Variants in CRISPLD2 observed in about 807,000 individuals in gnomAD.
CRISPLD2 encodes cysteine rich secretory protein LCCL domain containing 2.
A neutral mutation model predicts 71.1 loss-of-function variants in CRISPLD2; 47 were observed. That is an observed-to-expected ratio of 0.66 (90% CI 0.52 to 0.84). The LOEUF is 0.84. Ranked by LOEUF, CRISPLD2 falls within the 40% of genes least tolerant of loss-of-function variation. CRISPLD2 has a pLI of 0.00. For synonymous variants in CRISPLD2, 317 were observed against 250.1 expected (o/e 1.27, Z -2.52); for missense variants, 830 against 651.1 (o/e 1.27, Z -2.99).
chr16:84,884,727 G>T (rs1597478572), intron 13 of CRISPLD2, among the ~76,000 whole-genome samples: 1 of 152,178 alleles, frequency 6.6e-6, no homozygotes, highest in South Asian at 2.1e-4. Context: ...TCCGGCCATG[G>T]GTGTGAGCTT....
chr16:84,908,626 A>G lies in CRISPLD2; in HGVS notation c.*1984A>G, dbSNP rs1004801161. 1.3e-5 allele frequency: 2 copies of G among 151,112 alleles called. No individual in the cohort carries two copies. The highest frequency in any genetic ancestry group is 2.9e-5 in the Non-Finnish European group (2 of 67,878). 9.4% of individuals were successfully genotyped at this position (151,112 alleles called of 1,614,324 possible). A position where few individuals can be genotyped will look rare whatever the true frequency, so the allele number is the denominator to read the frequency against. ...CCCCGGGTTCCTTAATGCCTCCTTC[A>G]CTGGGCCTTCCTAGCAGGATAGAAA... On this transcript the variant is annotated 3_prime_UTR_variant, in exon 15 of 15. Transcript: ENST00000262424.
intron 6 of CRISPLD2, 99 bp downstream of exon 6, chr16:84,854,928 C>A (rs113835532): frequency 2.2e-5 from 20 of 916,114 alleles, no homozygotes; most frequent in African/African-American, 9.7e-5. Flanking sequence ...AAGTCAGTCA[C>A]CCCTCCTGGC....
At chr16:84,878,149 A>G (rs998567554) in intron 12 of CRISPLD2, among the ~76,000 whole-genome samples, 4 of 151,628 alleles carry the variant, frequency 2.6e-5, no homozygotes, top group Non-Finnish European at 4.4e-5. Context: ...GCGTGAACCC[A>G]GGAGGTGGAG....
At chr16:84,840,207 G>A (rs942513112) in intron 2 of CRISPLD2, among the ~76,000 whole-genome samples, 1 of 152,160 alleles carries the variant, frequency 6.6e-6, no homozygotes, top group Admixed American at 6.5e-5. Flanking sequence ...GAGCTGGCCT[G>A]GGTGATGACC....
At chr16:84,894,501 G>T (rs1366937660) in intron 14 of CRISPLD2, among the ~76,000 whole-genome samples, 2 of 152,138 alleles carry the variant, frequency 1.3e-5, no homozygotes. Context: ...CTGCGCTAGG[G>T]ACTGGGGACA....
At chr16:84,838,797 C>T (rs770066474) in intron 2 of CRISPLD2, 62 bp downstream of exon 2, 1 of 1,552,232 alleles carries the variant, frequency 6.4e-7, no homozygotes, top group East Asian at 2.4e-5. Flanking sequence ...CACCAGCCTG[C>T]TCTGTTCCCC....
At position 84,869,363 on chromosome 16, in the gene CRISPLD2, T is replaced by C. The variant is rs545726041; in HGVS notation, c.914+452T>C. Among the ~76,000 whole-genome samples the C allele has an allele frequency of 1.8e-4, 27 of 152,306 alleles. No individual in the cohort carries two copies. In the South Asian group the frequency reaches 3.1e-3, roughly 18 times the overall value. Reference sequence around the variant, plus strand: ...AGAGTCAAATGGGAAAACCATGTCATTGGGAGAGGGGACCTTGCTCGTCTT... The same window carrying C: ...AGAGTCAAATGGGAAAACCATGTCACTGGGAGAGGGGACCTTGCTCGTCTT... On this transcript the variant is annotated intron_variant, in intron 8 of 14. Coordinates refer to ENST00000262424, the MANE Select transcript of CRISPLD2 (RefSeq NM_031476.4).
intron 11 of CRISPLD2, among the ~76,000 whole-genome samples, chr16:84,876,765 C>T (rs926845715): frequency 6.6e-6 from 1 of 152,122 alleles, no homozygotes; most frequent in African/African-American, 2.4e-5. Flanking sequence ...TCACTCCAGC[C>T]TGGGCAAAAA....
intron 13 of CRISPLD2, among the ~76,000 whole-genome samples, chr16:84,885,138 C>A (rs1216215197): frequency 2.0e-5 from 3 of 152,222 alleles, no homozygotes; most frequent in African/African-American, 7.2e-5. Context: ...TCTGCTCCAG[C>A]CCTCGGGTAG....
At chr16:84,866,356 C>T (rs1303640011) in intron 6 of CRISPLD2, among the ~76,000 whole-genome samples, 1 of 152,114 alleles carries the variant, frequency 6.6e-6, no homozygotes, top group African/African-American at 2.4e-5. Flanking sequence ...GCCTCAGCAC[C>T]CCCCAAGTAG....
At chr16:84,843,460 T>C (rs1004040446) in intron 2 of CRISPLD2, among the ~76,000 whole-genome samples, 2 of 152,224 alleles carry the variant, frequency 1.3e-5, no homozygotes, top group African/African-American at 2.4e-5. Flanking sequence ...TTCTGAGGTT[T>C]TATGAGTGGA....
intron 14 of CRISPLD2, among the ~76,000 whole-genome samples, chr16:84,890,619 G>A (rs1453926943): frequency 6.6e-6 from 1 of 151,786 alleles, no homozygotes; most frequent in Non-Finnish European, 1.5e-5. Context: ...CCCTAGAAGT[G>A]GGCCGGGTGT....
At position 84,826,335 on chromosome 16, in the gene CRISPLD2, C is replaced by T. The variant is rs1015099622; in HGVS notation, c.-75+6202C>T. Among the ~76,000 whole-genome samples, 3 of 152,376 alleles carry T rather than the reference C, an allele frequency of 2.0e-5. No individual in the cohort carries two copies. The South Asian group carries it at 6.2e-4, about 32-fold the overall frequency. On this transcript the variant is annotated intron_variant, in intron 1 of 14. Coordinates refer to ENST00000262424, the MANE Select transcript of CRISPLD2 (RefSeq NM_031476.4). ...CTTTCTTCCAGAAGAACACTCAGCCCTTTGGCACTTTGTGCTGAAGCTGTG... is the reference window on the plus strand; with the variant it reads ...CTTTCTTCCAGAAGAACACTCAGCCTTTTGGCACTTTGTGCTGAAGCTGTG...
intron 13 of CRISPLD2, among the ~76,000 whole-genome samples, chr16:84,881,633 G>T (rs1412397100): frequency 6.6e-6 from 1 of 151,906 alleles, no homozygotes; most frequent in East Asian, 1.9e-4. Context: ...TCTAGCTAAT[G>T]TTTTTTATTT....
chr16:84,847,406 C>T (rs1916943540), intron 3 of CRISPLD2, among the ~76,000 whole-genome samples: 1 of 152,210 alleles, frequency 6.6e-6, no homozygotes, highest in Non-Finnish European at 1.5e-5. Context: ...AATCCCAGCA[C>T]TTTGGGAGGC....
At position 84,896,716 on chromosome 16, in the gene CRISPLD2, C is replaced by T. The variant is rs150118196; in HGVS notation, c.1439+7353C>T. Among the ~76,000 whole-genome samples, 64 of 152,076 alleles carry T rather than the reference C, an allele frequency of 4.2e-4. No individual in the cohort carries two copies. The East Asian group carries it at 0.01, about 24-fold the overall frequency. On this transcript the variant is annotated intron_variant, in intron 14 of 14. Transcript: ENST00000262424. ...GACTTCCGATGGGTTTATCAGGACG[C>T]GACCCACCGTAAGTCAGGGAGCATC...
At chr16:84,869,502 T>C (rs1247048227) in intron 8 of CRISPLD2, among the ~76,000 whole-genome samples, 1 of 152,222 alleles carries the variant, frequency 6.6e-6, no homozygotes, top group East Asian at 1.9e-4. Context: ...GAATTCAGTT[T>C]GCCAGGAGAA....
At chr16:84,833,422 C>T (rs1414176509) in intron 1 of CRISPLD2, among the ~76,000 whole-genome samples, 9 of 152,272 alleles carry the variant, frequency 5.9e-5, no homozygotes, top group Middle Eastern at 3.4e-3. Flanking sequence ...TGTGTTGTCC[C>T]GCGGTCCCTA....
In CRISPLD2 at chr16:84,843,807, G is replaced by A. The variant is rs971853742; in HGVS notation, c.241-1979G>A. Among the ~76,000 whole-genome samples the A allele has an allele frequency of 1.3e-5, 2 of 152,238 alleles. 1 individual carries two copies. Among genetic ancestry groups the A allele is most frequent in the Middle Eastern group, 6.3e-3 (2 of 316 alleles). ...CCCCTTAGTAGCCAGACAAGAGGGG[G>A]TTGTGAAAGACTTCCTGGTTGTGTG... On this transcript the variant is annotated intron_variant, in intron 2 of 14. Transcript: ENST00000262424.
Sources: allele counts gnomAD v4.1 joint callset (sites outside exome capture counted in the v4.1 genomes callset), GRCh38; gene constraint gnomAD v4.1.1; transcripts MANE v1.5; gene names NCBI Gene and HGNC (gene_info 2026-07-23, HGNC 2026-07-21).